ARMCX4: variants seen among roughly 807,000 people sequenced by gnomAD.
The protein encoded by ARMCX4 is armadillo repeat-containing X-linked protein 4.
A neutral mutation model predicts 34.7 loss-of-function variants in ARMCX4; 3 were observed. The ratio of observed to expected loss-of-function variants is 0.09; its 90% CI spans 0.04 to 0.22. The LOEUF (loss-of-function observed/expected upper bound fraction) is 0.22. Among genes scored for constraint, ARMCX4 ranks in the 10% least tolerant of loss-of-function variants. The probability of loss-of-function intolerance (pLI) is 1.00; values close to 1 mark genes in which losing one functional copy is unlikely to be tolerated. For missense variants in ARMCX4, 1,448 were observed against 1,720.8 expected, an observed-to-expected ratio of 0.84 and a Z score of 2.81; for synonymous variants, 513 against 632.8, an observed-to-expected ratio of 0.81 and a Z score of 2.84.
downstream of ARMCX4, among the ~76,000 whole-genome samples, chrX:101,449,820 A>G (rs999983684): frequency 9.0e-6 from 1 of 110,930 alleles, no homozygotes; most frequent in Non-Finnish European, 1.9e-5. Context: ...TTATTGTATT[A>G]TTTACAGTCT....
intron 2 of ARMCX4, among the ~76,000 whole-genome samples, chrX:101,433,366 A>G (rs1930437745): frequency 9.1e-6 from 1 of 109,890 alleles, no homozygotes; most frequent in African/African-American, 3.3e-5. Flanking sequence ...ACTTACATAT[A>G]AACATATGTA....
Position 101,491,426 on chromosome X carries a change from G to A in ARMCX4, c.2837G>A (p.Gly946Asp). ...GCAGAGGCTGGGGCAGGCATAATGG[G>A]CTCTGTCCAGGTCCAGGTTGTGGCC... is the stretch of plus-strand genomic sequence containing the variant. ...SKAEAGAGIM[G>D]SVQVQVVASF... Residue 946 changes from glycine (G) to aspartate (D), a missense_variant, in exon 6 of 6, where the codon GGC (glycine) becomes GAC (aspartate). By Grantham distance (94) the Gly-to-Asp change is moderately conservative (BLOSUM62 -1). Transcript: ENST00000423738. 4.3e-6 allele frequency: 5 copies of A among 1,155,234 alleles called. No homozygotes were observed. Among genetic ancestry groups the A allele is most frequent in the Non-Finnish European group, 5.7e-6 (5 of 872,794 alleles).
At chrX:101,428,288 G>C (rs1016528905) in intron 2 of ARMCX4, among the ~76,000 whole-genome samples, 2 of 111,807 alleles carry the variant, frequency 1.8e-5, no homozygotes, top group South Asian at 3.7e-4. Context: ...AAAAAAGAGA[G>C]TATATACTGT....
At chrX:101,512,598 A>G (rs1415739718) in intron 11 of ARMCX4, among the ~76,000 whole-genome samples, 1 of 109,041 alleles carries the variant, frequency 9.2e-6, no homozygotes, top group Non-Finnish European at 1.9e-5. Context: ...TATTTTGTTA[A>G]TATATTCCAT....
intron 2 of ARMCX4, among the ~76,000 whole-genome samples, chrX:101,441,575 T>A (rs1176417029): frequency 1.1e-5 from 1 of 88,494 alleles, no homozygotes; most frequent in Non-Finnish European, 2.4e-5. Context: ...TGCACACACA[T>A]GTTAATATAC....
chrX:101,464,859 A>G (rs1164376149), intron 4 of ARMCX4, among the ~76,000 whole-genome samples: 4 of 112,049 alleles, frequency 3.6e-5, no homozygotes, highest in Non-Finnish European at 5.6e-5. Flanking sequence ...TAATATATAT[A>G]GAAAATCTCA....
intron 11 of ARMCX4, among the ~76,000 whole-genome samples, chrX:101,525,015 G>T (rs965622374): frequency 8.9e-6 from 1 of 112,004 alleles, no homozygotes; most frequent in Non-Finnish European, 1.9e-5. Flanking sequence ...CCTGACTCCC[G>T]TGTAGCCTAA....
At chrX:101,535,511 A>T (rs782621180), downstream of ARMCX4, among the ~76,000 whole-genome samples, 3 of 112,238 alleles carry the variant, frequency 2.7e-5, no homozygotes, top group Non-Finnish European at 3.8e-5. Flanking sequence ...CAAGTTTCAG[A>T]TGTTAAGAGA....
chrX:101,454,276 T>A (rs782385934), intron 4 of ARMCX4, among the ~76,000 whole-genome samples: 4 of 107,181 alleles, frequency 3.7e-5, no homozygotes, highest in Non-Finnish European at 7.7e-5. Flanking sequence ...ATTTCTTTTT[T>A]TTTTTTTATT....
intron 2 of ARMCX4, among the ~76,000 whole-genome samples, chrX:101,440,826 C>T (rs781810823): frequency 2.3e-4 from 26 of 111,576 alleles, no homozygotes; most frequent in Non-Finnish European, 4.5e-4. Flanking sequence ...GTTGGAAAAG[C>T]GTAGTATTAT....
chrX:101,527,463 C>T (rs782438732), intron 11 of ARMCX4, among the ~76,000 whole-genome samples: 91 of 110,229 alleles, frequency 8.3e-4, no homozygotes, highest in Non-Finnish European at 6.4e-4. Flanking sequence ...TAGCAGAAGG[C>T]AAGAAATAAC....
chrX:101,424,645 C>A (rs1303499269), intron 2 of ARMCX4, among the ~76,000 whole-genome samples: 1 of 111,957 alleles, frequency 8.9e-6, no homozygotes, highest in Non-Finnish European at 1.9e-5. Context: ...TCTGGGGCTA[C>A]AGAAGCATTC....
intron 2 of ARMCX4, among the ~76,000 whole-genome samples, chrX:101,428,460 T>C (rs1555991345): frequency 8.9e-6 from 1 of 112,533 alleles, no homozygotes; most frequent in East Asian, 2.8e-4. Flanking sequence ...CACCAGTGTA[T>C]ACATATCAAT....
Position 101,485,475 on chromosome X carries a change from C to T in ARMCX4, c.-492C>T. The T allele has an allele frequency of 4.3e-6, 3 of 700,288 alleles. No individual in the cohort carries two copies. The highest frequency in any genetic ancestry group is 5.1e-6 in the Non-Finnish European group (3 of 589,639). 57.7% of individuals were successfully genotyped at this position (700,288 alleles called of 1,213,427 possible). A position where few individuals can be genotyped will look rare whatever the true frequency, so the allele number is the denominator to read the frequency against. On this transcript the variant is annotated 5_prime_UTR_variant, in exon 1 of 6. Coordinates refer to ENST00000423738, the MANE Select transcript of ARMCX4 (RefSeq NM_001256155.3). ...GTCGTCACTCGCATCTGGCTACCAG[C>T]TCCCCGCTGCCCTGCGCTCGGCGGG...
At chrX:101,534,509 A>T (rs183342459), downstream of ARMCX4, among the ~76,000 whole-genome samples, 42 of 111,464 alleles carry the variant, frequency 3.8e-4, no homozygotes, top group African/African-American at 1.4e-3. Flanking sequence ...ACAGTTTGTT[A>T]TTTAAGAAGA....
At position 101,453,917 on chromosome X, in the gene ARMCX4, G is replaced by C. The variant is rs782634969; in HGVS notation, c.-473+7873G>C. On this transcript the variant is annotated intron_variant and NMD_transcript_variant, in intron 4 of 15. Transcript: ENST00000433011. ...TCTGGTGCTTGATAGGGAGGAGAGA[G>C]AGGGAGCCTGGACCATGAAGAGTTT... is the stretch of plus-strand genomic sequence containing the variant. Among the ~76,000 whole-genome samples the C allele has an allele frequency of 9.9e-5, 11 of 110,881 alleles. No homozygotes were observed. In the South Asian group the frequency reaches 4.2e-3, roughly 43 times the overall value.
intron 4 of ARMCX4, among the ~76,000 whole-genome samples, chrX:101,463,514 A>C (rs1556001508): frequency 8.9e-6 from 1 of 111,808 alleles, no homozygotes; most frequent in Non-Finnish European, 1.9e-5. Flanking sequence ...AAATATTTAG[A>C]TCAATCCTTT....
At chrX:101,500,825 G>T (rs1934282619) in intron 7 of ARMCX4, among the ~76,000 whole-genome samples, 1 of 111,512 alleles carries the variant, frequency 9.0e-6, no homozygotes, top group Non-Finnish European at 1.9e-5. Flanking sequence ...GAAGAGGTCT[G>T]GACCACTCGA....
Position 101,436,581 on chromosome X carries a change from C to T in ARMCX4, n.165-7471C>T, listed in dbSNP as rs183213526. Among the ~76,000 whole-genome samples, 366 of 111,489 alleles carry T rather than the reference C, an allele frequency of 3.3e-3. 3 individuals carry two copies. The highest frequency in any genetic ancestry group is 5.4e-3 in the Non-Finnish European group (289 of 53,114). On this transcript the variant is annotated intron_variant and non_coding_transcript_variant, in intron 2 of 3. Coordinates refer to the ARMCX4 transcript ENST00000430461. ...GGGTTTTCTAGATATACAATCATGT[C>T]GTCCGCAAACAGGGACAATTTGACT...
Sources: gnomAD v4.1 joint callset for allele counts (sites outside exome capture counted in the v4.1 genomes callset) on GRCh38, gnomAD v4.1.1 for gene constraint, MANE v1.5 for transcripts, NCBI Gene and HGNC (gene_info 2026-07-23, HGNC 2026-07-21) for gene names.